NCK2: variants seen among roughly 807,000 people sequenced by gnomAD.
The protein encoded by NCK2 is cytoplasmic protein NCK2.
NCK2 carries 16 observed loss-of-function variants against 33.9 expected under a neutral mutation model. The ratio of observed to expected loss-of-function variants is 0.47; its 90% confidence interval spans 0.32 to 0.72. The LOEUF (loss-of-function observed/expected upper bound fraction) is 0.72, where lower values mean the gene tolerates loss of function less well. Ranked by LOEUF, NCK2 falls within the 30% of genes least tolerant of loss-of-function variation. NCK2 has a pLI of 0.03. For missense variants in NCK2, 418 were observed against 537.3 expected (o/e 0.78, Z 2.19); for synonymous variants, 273 against 239.9 (o/e 1.14, Z -1.27).
chr2:105,796,954 G>T (rs1691100638), intron 1 of NCK2, among the ~76,000 whole-genome samples: 1 of 152,176 alleles, frequency 6.6e-6, no homozygotes, highest in African/African-American at 2.4e-5. Flanking sequence ...CTTATCTGTG[G>T]TTGGTTCAGT....
intron 3 of NCK2, among the ~76,000 whole-genome samples, chr2:105,856,142 G>C (rs1677260902): frequency 6.6e-6 from 1 of 152,162 alleles, no homozygotes; most frequent in African/African-American, 2.4e-5. Flanking sequence ...CTCCCCATGT[G>C]CCTCTTGTTT....
At chr2:105,808,046 G>A (rs188075605) in intron 1 of NCK2, among the ~76,000 whole-genome samples, 14 of 152,112 alleles carry the variant, frequency 9.2e-5, no homozygotes, top group African/African-American at 3.4e-4. Flanking sequence ...GGGACTACAG[G>A]TGTGTACCGC....
At chr2:105,878,146 T>A (rs1165797289) in intron 3 of NCK2, among the ~76,000 whole-genome samples, 1 of 152,226 alleles carries the variant, frequency 6.6e-6, no homozygotes, top group Non-Finnish European at 1.5e-5. Context: ...TGGCCCTCTT[T>A]TGGTAAAGTA....
rs58169414 is a variant in NCK2, at chr2:105,835,408, T to TGTGTGTATATATATATAC, written c.-17+18797_-17+18798insGTGTATATATATATACGT. Among the ~76,000 whole-genome samples the TGTGTGTATATATATATAC allele has an allele frequency of 2.2e-4, 9 of 41,274 alleles. 1 individual carries two copies. The South Asian group carries it at 3.4e-3, about 16-fold the overall frequency. The allele number at this position is 41,274 out of a possible 152,430, so 27.1% of individuals were successfully genotyped here. A position where few individuals can be genotyped will look rare whatever the true frequency, so the allele number is the denominator to read the frequency against. On this transcript the variant is annotated intron_variant, in intron 2 of 4. Transcript: ENST00000233154. Reference sequence around the variant, plus strand: ...ATACACATATATATATATATATACGTGTATATATATATATATTTTTTTTTT... The same window carrying TGTGTGTATATATATATAC: ...ATACACATATATATATATATATACGTGTGTGTATATATATATACGTATATATATATATATTTTTTTTTT...
intron 4 of NCK2, among the ~76,000 whole-genome samples, chr2:105,890,942 G>A (rs546529634): frequency 6.6e-6 from 1 of 152,326 alleles, no homozygotes; most frequent in Non-Finnish European, 1.5e-5. Flanking sequence ...CCTCAGAGCA[G>A]GAAGTTTCTG....
chr2:105,845,634 T>A (rs1040156268), intron 2 of NCK2, among the ~76,000 whole-genome samples: 1 of 152,074 alleles, frequency 6.6e-6, no homozygotes, highest in Non-Finnish European at 1.5e-5. Context: ...CCTCAGATGA[T>A]CCACCCACCT....
chr2:105,764,730 C>T (rs936622047), intron 1 of NCK2, among the ~76,000 whole-genome samples: 8 of 152,160 alleles, frequency 5.3e-5, no homozygotes, highest in Admixed American at 4.6e-4. Context: ...TTTTGAAAAG[C>T]GAGATGCTTC....
chr2:105,811,129 T>C (rs951815220), intron 1 of NCK2, among the ~76,000 whole-genome samples: 7 of 149,426 alleles, frequency 4.7e-5, no homozygotes, highest in Non-Finnish European at 8.9e-5. Context: ...GAGCCGAGAT[T>C]GCACCACTGC....
At chr2:105,856,263 T>C (rs576542378) in intron 3 of NCK2, among the ~76,000 whole-genome samples, 1 of 152,344 alleles carries the variant, frequency 6.6e-6, no homozygotes, top group South Asian at 2.1e-4. Flanking sequence ...ATTTACTGCC[T>C]CAGATTACCT....
At chr2:105,803,134 A>G (rs1313618569) in intron 1 of NCK2, among the ~76,000 whole-genome samples, 1 of 152,138 alleles carries the variant, frequency 6.6e-6, no homozygotes, top group Non-Finnish European at 1.5e-5. Context: ...AAGCAAGGTT[A>G]GGCTTATTTT....
chr2:105,782,391 A>G (rs529941595), intron 1 of NCK2, among the ~76,000 whole-genome samples: 1 of 152,288 alleles, frequency 6.6e-6, no homozygotes, highest in African/African-American at 2.4e-5. Flanking sequence ...CTCTCTCCAC[A>G]GCAGGTGTCA....
At chr2:105,795,036 A>T (rs114305959) in intron 1 of NCK2, among the ~76,000 whole-genome samples, 2,875 of 151,910 alleles carry the variant, frequency 0.019, 52 homozygotes, top group Non-Finnish European at 0.022. Context: ...GAGCAGTTTT[A>T]GTTTCACAGC....
At chr2:105,789,675 C>T (rs1439511775) in intron 1 of NCK2, among the ~76,000 whole-genome samples, 1 of 152,212 alleles carries the variant, frequency 6.6e-6, no homozygotes, top group Non-Finnish European at 1.5e-5. Context: ...TGTCCATCAT[C>T]ATCTGCTGGT....
At chr2:105,808,535 C>T (rs928551824) in intron 1 of NCK2, among the ~76,000 whole-genome samples, 1 of 152,134 alleles carries the variant, frequency 6.6e-6, no homozygotes, top group Non-Finnish European at 1.5e-5. Context: ...GATCTTTCAT[C>T]GAAGGAGCCC....
intron 3 of NCK2, among the ~76,000 whole-genome samples, chr2:105,872,836 T>G (rs1452968285): frequency 6.6e-6 from 1 of 152,242 alleles, no homozygotes; most frequent in Non-Finnish European, 1.5e-5. Flanking sequence ...CAGAAATGAT[T>G]CGGAGAAATC....
intron 4 of NCK2, among the ~76,000 whole-genome samples, chr2:105,887,864 A>G (rs1678779865): frequency 6.6e-6 from 1 of 152,250 alleles, no homozygotes; most frequent in South Asian, 2.1e-4. Context: ...GATGGGATCA[A>G]AGAGTGTGCT....
intron 1 of NCK2, among the ~76,000 whole-genome samples, chr2:105,763,933 TTAAAG>T (rs1278425906): frequency 2.0e-5 from 3 of 152,252 alleles, no homozygotes; most frequent in African/African-American, 7.2e-5. Flanking sequence ...AGGTACATTC[TTAAAG>T]TATTCATGTG....
intron 2 of NCK2, among the ~76,000 whole-genome samples, chr2:105,822,082 C>CA (rs541126284): frequency 2.0e-5 from 3 of 151,790 alleles, no homozygotes; most frequent in South Asian, 2.1e-4. Context: ...TTTCCTGACC[C>CA]AAAAAAGCCT....
chr2:105,767,553 C>G (rs1426083840), intron 1 of NCK2, among the ~76,000 whole-genome samples: 1 of 152,174 alleles, frequency 6.6e-6, no homozygotes, highest in Non-Finnish European at 1.5e-5. Context: ...TTATTAGAAC[C>G]CAGCTGGGCT....
Sources: allele counts gnomAD v4.1 joint callset (sites outside exome capture counted in the v4.1 genomes callset), GRCh38; gene constraint gnomAD v4.1.1; transcripts MANE v1.5; gene names NCBI Gene and HGNC (gene_info 2026-07-23, HGNC 2026-07-21).